The following NRG3 variants were observed in gnomAD, a reference collection of about 807,000 sequenced individuals.
The protein encoded by NRG3 is neuregulin 3.
A neutral mutation model predicts 66.9 loss-of-function variants in NRG3; 31 were observed. That is an observed-to-expected ratio of 0.46 (90% CI 0.35 to 0.63). NRG3 has a LOEUF of 0.63. NRG3 is among the 20% of genes least tolerant of loss of function. NRG3 has a pLI of 0.00. For missense variants in NRG3, 910 were observed against 878.9 expected (o/e 1.04, Z -0.45); for synonymous variants, 393 against 359.4 (o/e 1.09, Z -1.06).
intron 2 of NRG3, among the ~76,000 whole-genome samples, chr10:82,635,478 G>C (rs1009836255): frequency 4.6e-5 from 7 of 152,076 alleles, no homozygotes; most frequent in Non-Finnish European, 7.4e-5. Flanking sequence ...CCTGTCTTCT[G>C]AGGGTGCTGT....
chr10:82,793,129 A>C (rs968425796), intron 3 of NRG3, among the ~76,000 whole-genome samples: 1 of 152,026 alleles, frequency 6.6e-6, no homozygotes, highest in African/African-American at 2.4e-5. Context: ...TTCGTCTGTA[A>C]GTTTTAAAAT....
intron 3 of NRG3, among the ~76,000 whole-genome samples, chr10:82,830,466 A>T (rs2062460932): frequency 6.6e-6 from 1 of 152,222 alleles, no homozygotes; most frequent in Non-Finnish European, 1.5e-5. Flanking sequence ...TACCTAGATG[A>T]TTTACAACAT....
At chr10:82,323,842 G>T (rs1234843440) in intron 1 of NRG3, among the ~76,000 whole-genome samples, 1 of 151,922 alleles carries the variant, frequency 6.6e-6, no homozygotes, top group Non-Finnish European at 1.5e-5. Context: ...ACCTTCTATG[G>T]TTTGATGTTT....
intron 2 of NRG3, among the ~76,000 whole-genome samples, chr10:82,628,897 A>C (rs2049613807): frequency 6.6e-6 from 1 of 152,212 alleles, no homozygotes; most frequent in Non-Finnish European, 1.5e-5. Context: ...GAAGAATATA[A>C]AATGGTCACA....
intron 1 of NRG3, among the ~76,000 whole-genome samples, chr10:82,186,655 G>A (rs1205895505): frequency 6.6e-6 from 1 of 152,120 alleles, no homozygotes; most frequent in Non-Finnish European, 1.5e-5. Flanking sequence ...CAAATATTTG[G>A]TTGTGGTCAA....
intron 2 of NRG3, among the ~76,000 whole-genome samples, chr10:82,472,070 A>T (rs1841321471): frequency 6.6e-6 from 1 of 152,060 alleles, no homozygotes; most frequent in Non-Finnish European, 1.5e-5. Flanking sequence ...AAAAAAAAAT[A>T]CTAGAACAAA....
chr10:82,085,885 G>T (rs1037277003), intron 1 of NRG3, among the ~76,000 whole-genome samples: 1 of 152,054 alleles, frequency 6.6e-6, no homozygotes, highest in East Asian at 1.9e-4. Context: ...TGATCTGCCC[G>T]CCTAAGCCTC....
chr10:82,425,176 A>C (rs1379979962), intron 2 of NRG3, among the ~76,000 whole-genome samples: 1 of 152,068 alleles, frequency 6.6e-6, no homozygotes, highest in Non-Finnish European at 1.5e-5. Flanking sequence ...ATTTTGGCAA[A>C]AAGGCCAGCT....
chr10:81,924,481 T>C (rs937976143), intron 1 of NRG3, among the ~76,000 whole-genome samples: 1 of 152,208 alleles, frequency 6.6e-6, no homozygotes, highest in Non-Finnish European at 1.5e-5. Flanking sequence ...CCCCTAAAGA[T>C]CACAGGCTAT....
In NRG3 at chr10:81,919,441, G is replaced by A. The variant is rs944893241; in HGVS notation, c.823+43278G>A. ...AAGTTGTGTCAGGATTGGTAGCAGC[G>A]TGCAGAGATTACAGCATGTATTATG... is the stretch of plus-strand genomic sequence containing the variant. On this transcript the variant is annotated intron_variant, in intron 1 of 8. Transcript: ENST00000372141. Among the ~76,000 whole-genome samples, 6 of 152,056 alleles carry A rather than the reference G, an allele frequency of 3.9e-5. No individual in the cohort carries two copies. In the East Asian group the frequency reaches 5.8e-4, roughly 15 times the overall value.
chr10:82,546,812 A>G (rs980262995), intron 2 of NRG3, among the ~76,000 whole-genome samples: 1 of 152,192 alleles, frequency 6.6e-6, no homozygotes, highest in Non-Finnish European at 1.5e-5. Flanking sequence ...TCAAACACAC[A>G]ATGGAATTGC....
chr10:82,522,620 C>G (rs1389827024), intron 2 of NRG3, among the ~76,000 whole-genome samples: 1 of 151,766 alleles, frequency 6.6e-6, no homozygotes, highest in African/African-American at 2.4e-5. Flanking sequence ...GTGCTCAATA[C>G]TTGGTTGCCA....
At chr10:82,417,252 G>A (rs936107955) in intron 2 of NRG3, among the ~76,000 whole-genome samples, 1 of 152,168 alleles carries the variant, frequency 6.6e-6, no homozygotes, top group African/African-American at 2.4e-5. Context: ...ATGCCCAGAG[G>A]TGAACATGGT....
At chr10:81,930,111 T>C (rs1219264820) in intron 1 of NRG3, among the ~76,000 whole-genome samples, 1 of 152,162 alleles carries the variant, frequency 6.6e-6, no homozygotes, top group Non-Finnish European at 1.5e-5. Flanking sequence ...TTATCTGCTG[T>C]AGACAGGACC....
At chr10:82,582,301 C>A (rs1056774061) in intron 2 of NRG3, among the ~76,000 whole-genome samples, 5 of 152,038 alleles carry the variant, frequency 3.3e-5, no homozygotes, top group African/African-American at 1.2e-4. Context: ...GGTAAGGATA[C>A]ATATCTCTTA....
At chr10:81,991,578 C>G (rs2060742394) in intron 1 of NRG3, among the ~76,000 whole-genome samples, 1 of 152,096 alleles carries the variant, frequency 6.6e-6, no homozygotes, top group South Asian at 2.1e-4. Flanking sequence ...CTTCCTTACT[C>G]AGAAAGTGGA....
At chr10:82,923,362 A>G (rs1846637127) in intron 4 of NRG3, among the ~76,000 whole-genome samples, 1 of 152,132 alleles carries the variant, frequency 6.6e-6, no homozygotes, top group Non-Finnish European at 1.5e-5. Flanking sequence ...CCTCTTACAA[A>G]TATCTTTCCC....
intron 3 of NRG3, among the ~76,000 whole-genome samples, chr10:82,769,815 A>AT (rs753521878): frequency 6.6e-6 from 1 of 152,052 alleles, no homozygotes; most frequent in Non-Finnish European, 1.5e-5. Context: ...CAAATATAAC[A>AT]TTTTTTGTGT....
At chr10:82,174,207 A>G (rs999324381) in intron 1 of NRG3, among the ~76,000 whole-genome samples, 2 of 152,126 alleles carry the variant, frequency 1.3e-5, no homozygotes, top group African/African-American at 4.8e-5. Flanking sequence ...TAGTAGTCCC[A>G]TTATTGCACA....
Sources: allele counts gnomAD v4.1 joint callset (sites outside exome capture counted in the v4.1 genomes callset), GRCh38; gene constraint gnomAD v4.1.1; transcripts MANE v1.5; gene names NCBI Gene and HGNC (gene_info 2026-07-23, HGNC 2026-07-21).